Variants in HOXB3 observed in about 807,000 individuals in gnomAD.
HOXB3 encodes the protein homeobox protein Hox-B3.
In HOXB3, 17 loss-of-function variants were observed where a neutral mutation model predicts 29.2. The observed-to-expected ratio is 0.58, with a 90% confidence interval of 0.40 to 0.87. HOXB3 has a LOEUF of 0.87. Ranked by LOEUF, HOXB3 falls within the 40% of genes least tolerant of loss-of-function variation. The pLI, the probability that HOXB3 is intolerant of heterozygous loss-of-function variation, is 0.00. For synonymous variants in HOXB3, 317 were observed against 285.9 expected, an observed-to-expected ratio of 1.11 and a Z score of -1.10; for missense variants, 637 against 616.3, an observed-to-expected ratio of 1.03 and a Z score of -0.35.
Position 48,550,286 on chromosome 17 carries a change from A to G in HOXB3, c.*48T>C, listed in dbSNP as rs373134555. ...TCCAGGTTGCCCCCCAGAGCTCCACAGTCTCTCTCTTCCTCCCCATCCCCT... is the reference window on the plus strand; with the variant it reads ...TCCAGGTTGCCCCCCAGAGCTCCACGGTCTCTCTCTTCCTCCCCATCCCCT... On this transcript the variant is annotated 3_prime_UTR_variant, in exon 5 of 5. Transcript: ENST00000498678. 1.9e-5 allele frequency: 30 copies of G among 1,610,796 alleles called. No individual in the cohort carries two copies. The African/African-American group carries it at 3.6e-4, about 19-fold the overall frequency.
intron 1 of HOXB3, chr17:48,578,155 C>T (rs1308987061): frequency 4.4e-6 from 7 of 1,597,462 alleles, no homozygotes; most frequent in African/African-American, 2.7e-5. Context: ...CCGCGCGCCG[C>T]CCGAAGCCCG....
chr17:48,578,398 CCTA>C, intron 1 of HOXB3: 1 of 1,517,054 alleles, frequency 6.6e-7, no homozygotes, highest in Non-Finnish European at 8.8e-7. Flanking sequence ...CGAAAGCCCT[CCTA>C]CTTACTGTCA....
intron 1 of HOXB3, chr17:48,578,045 C>T (rs1254723779): frequency 1.1e-6 from 1 of 927,202 alleles, no homozygotes; most frequent in African/African-American, 2.7e-5. Flanking sequence ...CGCAGGAGCC[C>T]GAGGGGACAG....
At chr17:48,551,251 T>A (rs191122217) in intron 4 of HOXB3, 70 bp from the exon 5 acceptor site, 2 of 1,250,946 alleles carry the variant, frequency 1.6e-6, no homozygotes, top group South Asian at 6.2e-5. Flanking sequence ...CACGCCGAAA[T>A]TGAATGCATC....
intron 2 of HOXB3, among the ~76,000 whole-genome samples, chr17:48,570,083 A>G (rs1396161523): frequency 1.3e-5 from 2 of 152,172 alleles, no homozygotes; most frequent in Non-Finnish European, 2.9e-5. Flanking sequence ...GGAAAAGAAA[A>G]GAAAAGCTTT....
At chr17:48,578,158 G>C (rs750928177) in intron 1 of HOXB3, 3 of 1,601,146 alleles carry the variant, frequency 1.9e-6, no homozygotes, top group Non-Finnish European at 2.6e-6. Flanking sequence ...CGCGCCGCCC[G>C]AAGCCCGCCT....
chr17:48,578,513 A>C, intron 1 of HOXB3: 2 of 632,044 alleles, frequency 3.2e-6, no homozygotes, highest in Non-Finnish European at 5.2e-6. Flanking sequence ...CACTCCAGCC[A>C]AAGAGGTTTA....
At chr17:48,582,113 C>G (rs1321669375) in intron 1 of HOXB3, 1 of 152,344 alleles carries the variant, frequency 6.6e-6, no homozygotes, top group Non-Finnish European at 1.5e-5. Context: ...CCACCCTCCG[C>G]CGTCCAGGCG....
Position 48,554,524 on chromosome 17 carries a change from C to CA in HOXB3, c.-159+1006dup. The CA allele has an allele frequency of 1.5e-6, 1 of 658,864 alleles. No individual in the cohort carries two copies. Among genetic ancestry groups the CA allele is most frequent in the South Asian group, 1.6e-5 (1 of 61,986 alleles). 40.8% of individuals were successfully genotyped at this position (658,864 alleles called of 1,614,324 possible). On this transcript the variant is annotated intron_variant, in intron 3 of 4. Coordinates refer to ENST00000498678, the MANE Select transcript of HOXB3 (RefSeq NM_001384749.1). The surrounding 1 kb of genome is among the most constrained non-coding windows in gnomAD (Gnocchi z 4.1). ...ATGGAGACTCCGCCGGTGGTGCAGA[C>CA]AGGGCTGGGAAGGTTTGTGCACCCG... is the stretch of plus-strand genomic sequence containing the variant.
chr17:48,580,032 G>T, intron 1 of HOXB3: 1 of 433,380 alleles, frequency 2.3e-6, no homozygotes, highest in Non-Finnish European at 4.6e-6. Flanking sequence ...GTTTTATTTC[G>T]TTTTGTTCTA....
At chr17:48,573,350 T>C (rs1302231368) in intron 2 of HOXB3, among the ~76,000 whole-genome samples, 1 of 152,098 alleles carries the variant, frequency 6.6e-6, no homozygotes, top group Non-Finnish European at 1.5e-5. Flanking sequence ...ATCCAAGCAC[T>C]GGATTTGATT....
intron 1 of HOXB3, among the ~76,000 whole-genome samples, chr17:48,588,840 C>T (rs1460966301): frequency 6.6e-6 from 1 of 152,160 alleles, no homozygotes; most frequent in Non-Finnish European, 1.5e-5. Flanking sequence ...AGAAAGAGGA[C>T]AGGGGGAGAA....
At chr17:48,581,801 G>C (rs967370181) in intron 1 of HOXB3, 1 of 152,188 alleles carries the variant, frequency 6.6e-6, no homozygotes, top group African/African-American at 2.4e-5. Context: ...TCTCCTCTGC[G>C]CCCTGGAAGT....
rs1199952370 is a variant in HOXB3, at chr17:48,549,002, A to G, written c.*1332T>C. 6.5e-6 allele frequency: 1 copy of G among 152,688 alleles called. No individual in the cohort carries two copies. Among genetic ancestry groups the G allele is most frequent in the African/African-American group, 2.4e-5 (1 of 41,466 alleles). The allele number at this position is 152,688 out of a possible 1,614,324, so 9.5% of individuals were successfully genotyped here. On this transcript the variant is annotated 3_prime_UTR_variant, in exon 5 of 5. Transcript: ENST00000498678. Reference sequence around the variant, plus strand: ...ACTCTAGTTCTACAAATTCAGGACTATACAGTGACGATTAGGAGCTGAGTT... The same window carrying G: ...ACTCTAGTTCTACAAATTCAGGACTGTACAGTGACGATTAGGAGCTGAGTT...
chr17:48,575,485 A>G (rs895494965), intron 1 of HOXB3: 4 of 152,264 alleles, frequency 2.6e-5, no homozygotes, highest in East Asian at 1.9e-4. Flanking sequence ...CTTTACGCCA[A>G]TGTTTCAACA....
intron 2 of HOXB3, among the ~76,000 whole-genome samples, chr17:48,556,011 AC>A (rs113409978): frequency 1.6e-4 from 23 of 147,354 alleles, no homozygotes; most frequent in Non-Finnish European, 1.2e-4. Context: ...ACAAGCTCAC[AC>A]CCCCCCACCT....
At chr17:48,555,739 G>T (rs1320118480) in intron 2 of HOXB3, 121 bp from the exon 3 acceptor site, 4 of 637,114 alleles carry the variant, frequency 6.3e-6, no homozygotes, top group South Asian at 1.8e-5. Context: ...CAGAGGAGCC[G>T]CGCGGCGTCC....
chr17:48,585,047 T>A (rs965269670), intron 1 of HOXB3, among the ~76,000 whole-genome samples: 6 of 152,032 alleles, frequency 3.9e-5, no homozygotes, highest in Admixed American at 2.6e-4. Flanking sequence ...GGTCTCATTC[T>A]GCTACGCGCC....
intron 2 of HOXB3, among the ~76,000 whole-genome samples, chr17:48,563,283 A>G (rs978626257): frequency 6.6e-6 from 1 of 152,170 alleles, no homozygotes; most frequent in African/African-American, 2.4e-5. Context: ...AAAGAGCACT[A>G]CTTCGTGGAC....
Sources: gnomAD v4.1 joint callset for allele counts (sites outside exome capture counted in the v4.1 genomes callset) on GRCh38, gnomAD v4.1.1 for gene constraint, Gnocchi (gnomAD v3.1) non-coding constraint, MANE v1.5 for transcripts, NCBI Gene and HGNC (gene_info 2026-07-23, HGNC 2026-07-21) for gene names.